Variants in SH3RF2 observed in about 807,000 individuals in gnomAD.
The protein encoded by SH3RF2 is SH3 domain containing ring finger 2, also known as E3 ubiquitin-protein ligase SH3RF2.
Under a neutral mutation model 59.0 loss-of-function variants are expected in SH3RF2, and 43 were observed. The ratio of observed to expected loss-of-function variants is 0.73; its 90% confidence interval spans 0.57 to 0.94. SH3RF2 has a LOEUF of 0.94. SH3RF2 is among the 40% of genes least tolerant of loss of function. The probability of loss-of-function intolerance (pLI) is 0.00; values close to 1 mark genes in which losing one functional copy is unlikely to be tolerated. For missense variants in SH3RF2, 930 were observed against 940.1 expected, an observed-to-expected ratio of 0.99 and a Z score of 0.14; for synonymous variants, 391 against 391.5, an observed-to-expected ratio of 1.00 and a Z score of 0.01.
chr5:146,027,892 C>T (rs1200143962), intron 5 of SH3RF2, among the ~76,000 whole-genome samples: 1 of 152,174 alleles, frequency 6.6e-6, no homozygotes, highest in Non-Finnish European at 1.5e-5. Context: ...CCAACCTCCC[C>T]GAGGTCCTCG....
At chr5:146,041,650 A>G (rs1047270655) in intron 5 of SH3RF2, among the ~76,000 whole-genome samples, 1 of 152,190 alleles carries the variant, frequency 6.6e-6, no homozygotes, top group Non-Finnish European at 1.5e-5. Flanking sequence ...ATGCAGCCCT[A>G]GGCCAGGCGC....
At chr5:146,059,274 C>G (rs1405846482) in intron 8 of SH3RF2, among the ~76,000 whole-genome samples, 1 of 152,148 alleles carries the variant, frequency 6.6e-6, no homozygotes, top group African/African-American at 2.4e-5. Flanking sequence ...CTTGCCTAGC[C>G]CTTGCCACTC....
chr5:145,945,422 G>A (rs1757973309), intron 2 of SH3RF2, among the ~76,000 whole-genome samples: 1 of 152,148 alleles, frequency 6.6e-6, no homozygotes, highest in Non-Finnish European at 1.5e-5. Flanking sequence ...CCATAAACTT[G>A]ATTAAGACAA....
intron 5 of SH3RF2, 96 bp from the exon 6 acceptor site, chr5:146,047,676 G>A (rs530016217): frequency 8.7e-6 from 10 of 1,154,508 alleles, no homozygotes; most frequent in Admixed American, 2.0e-5. Context: ...TTGGTTTTCA[G>A]CTGTGTCAGG....
downstream of SH3RF2, among the ~76,000 whole-genome samples, chr5:146,064,812 G>GAA (rs1374251731): frequency 2.0e-4 from 2 of 9,870 alleles, 1 homozygote; most frequent in Non-Finnish European, 1.5e-3. Context: ...AGGAAGGAAA[G>GAA]AAAGAAAGAA....
At chr5:146,061,699 G>C (rs1301566097) in intron 9 of SH3RF2, among the ~76,000 whole-genome samples, 3 of 152,164 alleles carry the variant, frequency 2.0e-5, no homozygotes, top group Admixed American at 2.0e-4. Flanking sequence ...GATGTGAAAG[G>C]AAAGAGGAAG....
intron 1 of SH3RF2, 99 bp from the exon 2 acceptor site, chr5:145,937,724 A>C (rs1222135791): frequency 3.3e-6 from 2 of 598,370 alleles, no homozygotes; most frequent in Non-Finnish European, 5.8e-6. Flanking sequence ...GGAACAAAGT[A>C]CTTGCAAACT....
chr5:146,065,861 G>A (rs1215524136), downstream of SH3RF2, among the ~76,000 whole-genome samples: 1 of 152,244 alleles, frequency 6.6e-6, no homozygotes, highest in Non-Finnish European at 1.5e-5. Context: ...GTCTCACTGT[G>A]TTGCCCAGGC....
At chr5:145,962,375 CAT>C (rs1384506612) in intron 2 of SH3RF2, among the ~76,000 whole-genome samples, 13 of 152,224 alleles carry the variant, frequency 8.5e-5, no homozygotes, top group South Asian at 2.1e-4. Flanking sequence ...ACATTTTACA[CAT>C]GAGTGTTAAA....
At chr5:146,009,240 T>C (rs1401437432) in intron 4 of SH3RF2, among the ~76,000 whole-genome samples, 1 of 152,188 alleles carries the variant, frequency 6.6e-6, no homozygotes, top group Non-Finnish European at 1.5e-5. Context: ...ATAAATCAGA[T>C]CTTATCACTC....
chr5:146,033,596 A>G (rs2962517), intron 5 of SH3RF2, among the ~76,000 whole-genome samples: 145,370 of 151,240 alleles, frequency 0.96, 70,131 homozygotes, highest in East Asian at 1. Context: ...TCAGCCTCCC[A>G]AGAAGCTGGG....
intron 2 of SH3RF2, among the ~76,000 whole-genome samples, chr5:145,971,459 GATT>G (rs1759077184): frequency 6.6e-6 from 1 of 152,202 alleles, no homozygotes; most frequent in South Asian, 2.1e-4. Flanking sequence ...ACGGTGTCAG[GATT>G]ATTATTTTCA....
chr5:146,041,504 C>T (rs916838214), intron 5 of SH3RF2, among the ~76,000 whole-genome samples: 10 of 152,188 alleles, frequency 6.6e-5, no homozygotes, highest in Non-Finnish European at 1.5e-4. Flanking sequence ...ACAGCAATTA[C>T]CAAATGTGGC....
intron 1 of SH3RF2, 93 bp downstream of exon 1, chr5:145,936,787 G>A (rs908861874): frequency 6.6e-6 from 1 of 152,310 alleles, no homozygotes; most frequent in East Asian, 1.9e-4. Flanking sequence ...GCTCATTCTC[G>A]GTCGTGTCTG....
chr5:145,982,873 G>C (rs1483126121), intron 2 of SH3RF2, among the ~76,000 whole-genome samples: 1 of 152,208 alleles, frequency 6.6e-6, no homozygotes, highest in Admixed American at 6.5e-5. Flanking sequence ...GGGCAGGAGA[G>C]GGAGAGGGTG....
At chr5:146,069,722 T>C (rs1763189681) in intron 9 of SH3RF2, among the ~76,000 whole-genome samples, 1 of 152,070 alleles carries the variant, frequency 6.6e-6, no homozygotes, top group Non-Finnish European at 1.5e-5. Flanking sequence ...TACAGGCGTG[T>C]GCCACCACAC....
At chr5:146,074,018 G>A (rs964624562) in intron 9 of SH3RF2, among the ~76,000 whole-genome samples, 26 of 149,644 alleles carry the variant, frequency 1.7e-4, no homozygotes, top group Admixed American at 4.0e-4. Flanking sequence ...TCTCCATGGG[G>A]TAGGTTTCAT....
chr5:145,951,968 T>C (rs1198664715), intron 2 of SH3RF2, among the ~76,000 whole-genome samples: 1 of 152,158 alleles, frequency 6.6e-6, no homozygotes, highest in Non-Finnish European at 1.5e-5. Flanking sequence ...TTTGGATAAG[T>C]CAACCTCCCT....
chr5:146,007,511 T>C (rs779701383), intron 4 of SH3RF2, among the ~76,000 whole-genome samples: 24 of 152,272 alleles, frequency 1.6e-4, no homozygotes, highest in South Asian at 1.5e-3. Flanking sequence ...AATTAGTACC[T>C]CATTGGACCC....
Sources: gnomAD v4.1 joint callset for allele counts (sites outside exome capture counted in the v4.1 genomes callset) on GRCh38, gnomAD v4.1.1 for gene constraint, MANE v1.5 for transcripts, NCBI Gene and HGNC (gene_info 2026-07-23, HGNC 2026-07-21) for gene names.